Variants in CDHR5 observed in about 807,000 individuals in gnomAD.
CDHR5 encodes cadherin-related family member 5.
In CDHR5, 82 loss-of-function variants were observed where a neutral mutation model predicts 69.5. That is an observed-to-expected ratio of 1.18 (90% CI 0.99 to 1.42). The LOEUF is 1.42. Ranked by LOEUF, CDHR5 falls within the 40% of genes most tolerant of loss-of-function variation. CDHR5 has a pLI of 0.00. For synonymous variants in CDHR5, 601 were observed against 510.2 expected (o/e 1.18, Z -2.40); for missense variants, 1,293 against 1,168.9 (o/e 1.11, Z -1.55).
Position 617,058 on chromosome 11 carries a change from A to G in CDHR5, c.*293T>C. On this transcript the variant is annotated 3_prime_UTR_variant, in exon 15 of 15. Coordinates refer to ENST00000397542, the MANE Select transcript of CDHR5 (RefSeq NM_021924.5). ...TTAGAGCGGGAGAGGAACTTCCCAG[A>G]CTAGCTGGCACAGAGCCTCGGGAAG... 2.1e-6 allele frequency: 1 copy of G among 465,418 alleles called. No individual in the cohort carries two copies. The highest frequency in any genetic ancestry group is 2.0e-5 in the African/African-American group (1 of 49,490). 28.8% of individuals were successfully genotyped at this position (465,418 alleles called of 1,614,324 possible).
At position 617,432 on chromosome 11, in the gene CDHR5, G is replaced by T; in HGVS notation, c.2457C>A (p.Ser819=). ...CGCCCTCGCCCTCATCGCCGCTGCC[G>T]GAGTCACTGGCGCCATCCACGTCCA... The part of the protein sequence containing the change: ...PTLDVDGASD[S]GSGDEGEGAG... The change falls in exon 15 of 15, where the codon TCC becomes TCA. Residue 819 remains serine, a synonymous_variant. Coordinates refer to ENST00000397542, the MANE Select transcript of CDHR5 (RefSeq NM_021924.5). The T allele has an allele frequency of 6.2e-7, 1 of 1,611,932 alleles. No individual in the cohort carries two copies. Among genetic ancestry groups the T allele is most frequent in the South Asian group, 1.1e-5 (1 of 91,058 alleles).
In CDHR5 at chr11:621,851, G is replaced by A. The variant is rs568991282; in HGVS notation, c.366C>T (p.Pro122=). 1.3e-4 allele frequency: 206 copies of A among 1,613,694 alleles called. No homozygotes were observed. In the Middle Eastern group the frequency reaches 1.5e-3, roughly 12 times the overall value. ...VSVLDVNDNA[P]EFPFKTKEIR... is the part of the protein sequence containing the mutation. ...TCTCCTTGGTCTTAAAGGGGAATTCGGGGGCATTGTCATTGACGTCCAGCA... is the reference window on the plus strand; with the variant it reads ...TCTCCTTGGTCTTAAAGGGGAATTCAGGGGCATTGTCATTGACGTCCAGCA... Residue 122 remains proline, a synonymous_variant, in exon 4 of 15, where the codon CCC becomes CCT. Coordinates refer to ENST00000397542, the MANE Select transcript of CDHR5 (RefSeq NM_021924.5). The surrounding 1 kb of genome is among the most constrained non-coding windows in gnomAD (Gnocchi z 4.4).
chr11:619,372 C>G lies in CDHR5; in HGVS notation c.1312G>C (p.Val438Leu). Residue 438 changes from valine to leucine, a missense_variant, in exon 12 of 15, where the codon GTG (valine) becomes CTG (leucine). By Grantham distance (32) the Val-to-Leu change is conservative (BLOSUM62 1). Transcript: ENST00000397542. ...FYAEVEAHNT[V>L]TSGTATTVIE... ...ACTGTGGTTGCGGTGCCAGAGGTCA[C>G]CGTGTTGTGGGCCTCAACCTGGGGC... The G allele has an allele frequency of 6.2e-7, 1 of 1,613,748 alleles. No homozygotes were observed. The highest frequency in any genetic ancestry group is 1.1e-5 in the South Asian group (1 of 91,066).
rs1055235582 is a variant in CDHR5, at chr11:617,283, C to T, written c.*68G>A. On this transcript the variant is annotated 3_prime_UTR_variant, in exon 15 of 15. Coordinates refer to ENST00000397542, the MANE Select transcript of CDHR5 (RefSeq NM_021924.5). ...TCGGGAGCCTTGCTTTATTCTGCCTCGGGTCGGAGGCTGGGGGAGCGAGAC... is the reference window on the plus strand; with the variant it reads ...TCGGGAGCCTTGCTTTATTCTGCCTTGGGTCGGAGGCTGGGGGAGCGAGAC... The T allele has an allele frequency of 1.8e-5, 23 of 1,278,836 alleles. No homozygotes were observed. Among genetic ancestry groups the T allele is most frequent in the Non-Finnish European group, 2.3e-5 (21 of 914,416 alleles). The allele number at this position is 1,278,836 out of a possible 1,614,324, so 79.2% of individuals were successfully genotyped here. A position where few individuals can be genotyped will look rare whatever the true frequency, so the allele number is the denominator to read the frequency against.
In CDHR5 at chr11:617,571, G is replaced by A. The variant is rs144034443; in HGVS notation, c.2318C>T (p.Ala773Val). 4.9e-3 allele frequency: 7,858 copies of A among 1,611,612 alleles called. 151 individuals are homozygous for A. In the African/African-American group the frequency reaches 0.06, roughly 12 times the overall value. The part of the protein sequence containing the change: ...AAARAGGSPT[A>V]VRSILTKERR... ...CTCCTTGGTCAGGATGGACCTCACC[G>A]CCGTGGGGCTTCCGCCAGCTCGGGC... The change falls in exon 15 of 15, where the codon GCG (alanine) becomes GTG (valine). Residue 773 changes from alanine (A) to valine (V), a missense_variant. Coordinates refer to ENST00000397542, the MANE Select transcript of CDHR5 (RefSeq NM_021924.5).
chr11:620,338 C>G lies in CDHR5; in HGVS notation c.838G>C (p.Asp280His). ...RPGPIYAEDG[D>H]RGINQPIIYS... Reference sequence around the variant, plus strand: ...ATGATGGGCTGGTTGATGCCGCGGTCTCCGTCCTCAGCGTAGATGGGTCCG... The same window carrying G: ...ATGATGGGCTGGTTGATGCCGCGGTGTCCGTCCTCAGCGTAGATGGGTCCG... Residue 280 changes from aspartate to histidine, a missense_variant, in exon 8 of 15, where the codon GAC (aspartate) becomes CAC (histidine). Asp to His is a moderately conservative substitution (Grantham distance 81). Transcript: ENST00000397542. 1.2e-6 allele frequency: 2 copies of G among 1,612,918 alleles called. No homozygotes were observed. Among genetic ancestry groups the G allele is most frequent in the Non-Finnish European group, 1.7e-6 (2 of 1,179,310 alleles).
rs745980203 is a variant in CDHR5 at position 618,956 on chromosome 11, G to C, written c.1603C>G (p.Pro535Ala). The change falls in exon 13 of 15, where the codon CCC (proline) becomes GCC (alanine). Residue 535 changes from proline (P) to alanine (A), a missense_variant. Coordinates refer to ENST00000397542, the MANE Select transcript of CDHR5 (RefSeq NM_021924.5). ...ENSTSHQPATPGGDTAQTPKP... is the reference protein window; with the variant it reads ...ENSTSHQPATAGGDTAQTPKP... The stretch of plus-strand genomic sequence containing the variant: ...GGGGTCTGTGCTGTGTCCCCACCGG[G>C]AGTGGCTGGTTGGTGGGAGGTGCTG... 2.5e-6 allele frequency: 4 copies of C among 1,610,992 alleles called. No individual in the cohort carries two copies. The South Asian group carries it at 4.4e-5, about 18-fold the overall frequency.
At position 621,439 on chromosome 11, in the gene CDHR5, A is replaced by T. The variant is rs774795346; in HGVS notation, c.524T>A (p.Phe175Tyr). 2.5e-6 allele frequency: 4 copies of T among 1,612,304 alleles called. No homozygotes were observed. Among genetic ancestry groups the T allele is most frequent in the South Asian group, 1.1e-5 (1 of 91,072 alleles). Residue 175 changes from phenylalanine to tyrosine, a missense_variant, in exon 6 of 15, where the codon TTC (phenylalanine) becomes TAC (tyrosine). Phe to Tyr is a conservative substitution (Grantham distance 22). Coordinates refer to ENST00000397542, the MANE Select transcript of CDHR5 (RefSeq NM_021924.5). The surrounding 1 kb of genome is among the most constrained non-coding windows in gnomAD (Gnocchi z 4.4). ...GGGACGGTTTACACTCACCAGGGAG[A>T]AGTAGTCACTGGCACCCTGGGGAGG... ...QEMTAGASDY[F>Y]SLVSVNRPAL... is the part of the protein sequence containing the mutation.
chr11:618,479 G>T, intron 13 of CDHR5, 120 bp downstream of exon 13: 1 of 1,223,304 alleles, frequency 8.2e-7, no homozygotes, highest in Non-Finnish European at 1.2e-6. Flanking sequence ...GTCCCAAACA[G>T]ACTCCTCTTT....
At chr11:619,968 C>G in intron 9 of CDHR5, 87 bp from the exon 10 acceptor site, 9 of 1,418,326 alleles carry the variant, frequency 6.3e-6, no homozygotes, top group Non-Finnish European at 8.5e-6. Context: ...CAGGTGCAGA[C>G]TTGGCGGGGG....
chr11:617,785 C>A lies in CDHR5; in HGVS notation c.2119-15G>T. On this transcript the variant is annotated splice_polypyrimidine_tract_variant and intron_variant, in intron 14 of 14. Coordinates refer to ENST00000397542, the MANE Select transcript of CDHR5 (RefSeq NM_021924.5). ...GGCTGGGGCTCCTGCAGGCGGGAGT[C>A]GAGGCGTCAGCGGGGTCCCTGGGTC... 1 of 1,448,912 alleles carries A rather than the reference C, an allele frequency of 6.9e-7. No individual in the cohort carries two copies. The highest frequency in any genetic ancestry group is 1.4e-5 in the South Asian group (1 of 69,028). The allele number at this position is 1,448,912 out of a possible 1,614,324, so 89.8% of individuals were successfully genotyped here.
intron 7 of CDHR5, 94 bp downstream of exon 7, chr11:620,986 C>A: frequency 1.1e-6 from 1 of 889,920 alleles, no homozygotes; most frequent in Admixed American, 3.2e-5. Context: ...CCCCCTGACC[C>A]CGACCCCGCC....
Position 617,599 on chromosome 11 carries a change from C to T in CDHR5, c.2290G>A (p.Ala764Thr). 6.2e-7 allele frequency: 1 copy of T among 1,606,462 alleles called. No individual in the cohort carries two copies. The highest frequency in any genetic ancestry group is 1.1e-5 in the South Asian group (1 of 90,620). Residue 764 changes from alanine (A) to threonine (T), a missense_variant, in exon 15 of 15, where the codon GCG becomes ACG. Transcript: ENST00000397542. ...GTGGGGCTTCCGCCAGCTCGGGCCG[C>T]TGCGGGGGGCTCAGGGGCACCGCCT... ...SPGGAPEPPA[A>T]ARAGGSPTAV...
In CDHR5 at chr11:624,936, C is replaced by T. The variant is rs766640736; in HGVS notation, c.-34G>A. 259 of 1,504,154 alleles carry T rather than the reference C, an allele frequency of 1.7e-4. No homozygotes were observed. Among genetic ancestry groups the T allele is most frequent in the Non-Finnish European group, 2.1e-4 (236 of 1,119,038 alleles). 93.2% of individuals were successfully genotyped at this position (1,504,154 alleles called of 1,614,324 possible). ...CTGTCACCTGGCAGGAGGGTCTGAG[C>T]GGGTCTGGCGTCTAGGACTGGCGCA... On this transcript the variant is annotated 5_prime_UTR_variant, in exon 1 of 15. Transcript: ENST00000397542. The surrounding 1 kb of genome is among the most constrained non-coding windows in gnomAD (Gnocchi z 5.3).
rs371877924 is a variant in CDHR5, at chr11:618,633, C to T, written c.1926G>A (p.Gln642=). 3.7e-6 allele frequency: 6 copies of T among 1,613,812 alleles called. No individual in the cohort carries two copies. In the African/African-American group the frequency reaches 8.0e-5, roughly 22 times the overall value. The change falls in exon 13 of 15, where the codon CAG becomes CAA. Residue 642 remains glutamine, a synonymous_variant. Transcript: ENST00000397542. ...TAQTPEPGTS[Q]PMPLSKSTPS... ...GGGTGCTCTTGCTGAGGGGCATCGGCTGAGAGGTTCCTGGCTCTGGGGTCT... is the reference window on the plus strand; with the variant it reads ...GGGTGCTCTTGCTGAGGGGCATCGGTTGAGAGGTTCCTGGCTCTGGGGTCT...
chr11:621,794 C>A lies in CDHR5; in HGVS notation c.405+18G>T, dbSNP rs147344999. On this transcript the variant is annotated intron_variant, in intron 4 of 14. Coordinates refer to ENST00000397542, the MANE Select transcript of CDHR5 (RefSeq NM_021924.5). The surrounding 1 kb of genome is among the most constrained non-coding windows in gnomAD (Gnocchi z 4.4). ...CCCACACCCCCGTGCCCAGTCCCCGCGGCTTCGCTGGCCTCACCTCCTCCA... is the reference window on the plus strand; with the variant it reads ...CCCACACCCCCGTGCCCAGTCCCCGAGGCTTCGCTGGCCTCACCTCCTCCA... The A allele has an allele frequency of 2.8e-5, 45 of 1,607,958 alleles. No homozygotes were observed. In the African/African-American group the frequency reaches 4.4e-4, roughly 16 times the overall value.
Position 621,376 on chromosome 11 carries a change from C to A in CDHR5, c.587G>T (p.Arg196Leu). ...RLDRPLDFYE[R>L]PNMTFWLLVR... Reference sequence around the variant, plus strand: ...CAGCAGCCAGAAGGTCATGTTCGGCCGCTCGTAGAAGTCCAGGGGCCGGTC... The same window carrying A: ...CAGCAGCCAGAAGGTCATGTTCGGCAGCTCGTAGAAGTCCAGGGGCCGGTC... Residue 196 changes from arginine to leucine, a missense_variant, in exon 6 of 15, where the codon CGG becomes CTG. Arg to Leu is a moderately radical substitution (Grantham distance 102). Transcript: ENST00000397542. This position sits in a 1 kb window ranked among gnomAD's most constrained non-coding sequence, Gnocchi z 4.4. The A allele has an allele frequency of 6.2e-7, 1 of 1,613,184 alleles. No homozygotes were observed. The highest frequency in any genetic ancestry group is 1.3e-5 in the African/African-American group (1 of 75,030).
Position 617,444 on chromosome 11 carries a change from G to T in CDHR5, c.2445C>A (p.Gly815=). 6.2e-7 allele frequency: 1 copy of T among 1,612,360 alleles called. No homozygotes were observed. The highest frequency in any genetic ancestry group is 8.5e-7 in the Non-Finnish European group (1 of 1,179,622). The change falls in exon 15 of 15, where the codon GGC becomes GGA. Residue 815 remains glycine (G), a synonymous_variant. Transcript: ENST00000397542. ...CATCGCCGCTGCCGGAGTCACTGGC[G>T]CCATCCACGTCCAGGGTGGGCGCGT... is the stretch of plus-strand genomic sequence containing the variant. The part of the protein sequence containing the change: ...VLNAPTLDVD[G]ASDSGSGDEG...
chr11:617,391 C>A lies in CDHR5; in HGVS notation c.2498G>T (p.Gly833Val). 1.2e-6 allele frequency: 2 copies of A among 1,610,334 alleles called. No individual in the cohort carries two copies. Among genetic ancestry groups the A allele is most frequent in the Non-Finnish European group, 1.7e-6 (2 of 1,178,356 alleles). Residue 833 changes from glycine (G) to valine (V), a missense_variant, in exon 15 of 15, where the codon GGT (glycine) becomes GTT (valine). Transcript: ENST00000397542. ...DEGEGAGRGG[G>V]PYDAPGGDDS... The stretch of plus-strand genomic sequence containing the variant: ...ATCACCACCGGGCGCATCGTAGGGA[C>A]CCCCACCCCTCCCCGCGCCCTCGCC...
Sources: allele counts gnomAD v4.1 joint callset, GRCh38; gene constraint gnomAD v4.1.1; non-coding constraint Gnocchi (gnomAD v3.1); transcripts MANE v1.5; gene names NCBI Gene and HGNC (gene_info 2026-07-23, HGNC 2026-07-21).